TTLL5: variants seen among roughly 807,000 people sequenced by gnomAD.
TTLL5 encodes the protein tubulin tyrosine ligase like 5.
Under a neutral mutation model 168.4 loss-of-function variants are expected in TTLL5, and 132 were observed. The observed-to-expected ratio is 0.78, with a 90% confidence interval of 0.68 to 0.91. TTLL5 has a LOEUF of 0.91. TTLL5 is among the 40% of genes least tolerant of loss of function. TTLL5 has a pLI of 0.00. For missense variants in TTLL5, 1,545 were observed against 1,581.5 expected, an observed-to-expected ratio of 0.98 and a Z score of 0.39; for synonymous variants, 546 against 558.6, an observed-to-expected ratio of 0.98 and a Z score of 0.32.
intron 3 of TTLL5, among the ~76,000 whole-genome samples, chr14:75,674,693 G>A (rs528809320): frequency 2.6e-5 from 4 of 151,982 alleles, no homozygotes; most frequent in Non-Finnish European, 5.9e-5. Flanking sequence ...CTAGAATGAA[G>A]CATTTTTCTG....
chr14:75,756,576 C>T (rs911776088), intron 18 of TTLL5, among the ~76,000 whole-genome samples: 3 of 150,770 alleles, frequency 2.0e-5, no homozygotes, highest in South Asian at 2.1e-4. Context: ...GGCGCAATCT[C>T]GGCTCACTGC....
At chr14:75,904,434 T>G (rs1174054653) in intron 31 of TTLL5, among the ~76,000 whole-genome samples, 2 of 152,140 alleles carry the variant, frequency 1.3e-5, no homozygotes, top group Admixed American at 6.5e-5. Context: ...CTGACTATAC[T>G]TCATTTGCGT....
At chr14:75,870,211 A>G (rs2030909582) in intron 29 of TTLL5, among the ~76,000 whole-genome samples, 1 of 152,116 alleles carries the variant, frequency 6.6e-6, no homozygotes, top group African/African-American at 2.4e-5. Context: ...CACCATCTCA[A>G]AAGAAAAGTT....
intron 8 of TTLL5, among the ~76,000 whole-genome samples, chr14:75,707,416 A>T (rs1445379208): frequency 2.0e-5 from 3 of 152,072 alleles, no homozygotes; most frequent in Non-Finnish European, 2.9e-5. Flanking sequence ...GGTTTTTATT[A>T]TGTACTATAT....
Position 75,756,034 on chromosome 14 carries a change from C to T in TTLL5, c.1550+3079C>T, listed in dbSNP as rs932761132. ...AAGTATTGGTACTTACTAAAAGCTG[C>T]CCAGGTAATTATAATGTAAAGTCAT... On this transcript the variant is annotated intron_variant, in intron 18 of 31. Transcript: ENST00000298832. 5.0e-5 allele frequency among the ~76,000 whole-genome samples: 6 copies of T among 120,338 alleles called. No individual in the cohort carries two copies. The Admixed American group carries it at 6.9e-4, about 14-fold the overall frequency. The allele number at this position is 120,338 out of a possible 152,430, so 78.9% of individuals were successfully genotyped here. A position where few individuals can be genotyped will look rare whatever the true frequency, so the allele number is the denominator to read the frequency against.
chr14:75,713,118 C>T (rs1178099793), intron 9 of TTLL5, among the ~76,000 whole-genome samples: 1 of 152,168 alleles, frequency 6.6e-6, no homozygotes, highest in African/African-American at 2.4e-5. Context: ...TTTTGGTCTA[C>T]ATTAGGATAA....
At chr14:75,870,494 T>C (rs548765575) in intron 29 of TTLL5, among the ~76,000 whole-genome samples, 11 of 152,310 alleles carry the variant, frequency 7.2e-5, no homozygotes, top group Non-Finnish European at 1.0e-4. Context: ...TACCCTCCCT[T>C]GTACTTTTAT....
chr14:75,921,733 C>T (rs1344436129), intron 31 of TTLL5, among the ~76,000 whole-genome samples: 1 of 152,102 alleles, frequency 6.6e-6, no homozygotes, highest in African/African-American at 2.4e-5. Flanking sequence ...TCCATATGAA[C>T]TTTAAAGTAG....
At chr14:75,694,382 G>A (rs1885678521) in intron 6 of TTLL5, among the ~76,000 whole-genome samples, 1 of 152,172 alleles carries the variant, frequency 6.6e-6, no homozygotes, top group African/African-American at 2.4e-5. Context: ...TATCGCCCAG[G>A]CTGGAGTGCA....
chr14:75,811,037 T>G (rs1436498166), intron 27 of TTLL5, among the ~76,000 whole-genome samples: 1 of 144,874 alleles, frequency 6.9e-6, no homozygotes, highest in Non-Finnish European at 1.5e-5. Flanking sequence ...ATTTCCTTGA[T>G]AGCCTTGCAG....
At chr14:75,925,169 G>A (rs1205492538) in intron 31 of TTLL5, among the ~76,000 whole-genome samples, 27 of 148,272 alleles carry the variant, frequency 1.8e-4, no homozygotes, top group Non-Finnish European at 2.9e-4. Context: ...CGGACGGGGC[G>A]GCTGGCCTGG....
At chr14:75,851,869 A>G (rs1896873492) in intron 28 of TTLL5, among the ~76,000 whole-genome samples, 1 of 152,146 alleles carries the variant, frequency 6.6e-6, no homozygotes, top group South Asian at 2.1e-4. Context: ...TCTTTCTCAG[A>G]AGCAGTGCTT....
chr14:75,841,507 T>G (rs927384029), intron 28 of TTLL5, among the ~76,000 whole-genome samples: 3 of 152,222 alleles, frequency 2.0e-5, no homozygotes, highest in African/African-American at 7.2e-5. Context: ...TATTTATTCC[T>G]TTCTTTGTCA....
At chr14:75,726,943 A>G (rs527421662) in intron 12 of TTLL5, among the ~76,000 whole-genome samples, 2 of 152,338 alleles carry the variant, frequency 1.3e-5, no homozygotes, top group Admixed American at 1.3e-4. Context: ...GTACAATATT[A>G]CTAGCAATGA....
chr14:75,848,755 G>A (rs1896688491), intron 28 of TTLL5, among the ~76,000 whole-genome samples: 1 of 152,186 alleles, frequency 6.6e-6, no homozygotes, highest in African/African-American at 2.4e-5. Context: ...AAAGGACCAG[G>A]GAGTCTCTAT....
intron 17 of TTLL5, among the ~76,000 whole-genome samples, chr14:75,746,195 G>A (rs567052100): frequency 7.2e-5 from 11 of 152,154 alleles, no homozygotes; most frequent in African/African-American, 2.6e-4. Context: ...GGACTCTTTT[G>A]TTCAGCGTAG....
chr14:75,790,629 C>T (rs1892642481), intron 26 of TTLL5, among the ~76,000 whole-genome samples: 1 of 151,728 alleles, frequency 6.6e-6, no homozygotes, highest in Admixed American at 6.6e-5. Flanking sequence ...CATGTCCCCA[C>T]ACCCAGCTAA....
At chr14:75,853,011 C>T (rs1300415912) in intron 28 of TTLL5, among the ~76,000 whole-genome samples, 1 of 152,178 alleles carries the variant, frequency 6.6e-6, no homozygotes, top group Non-Finnish European at 1.5e-5. Context: ...TCATTGAACG[C>T]ATTTCATAAA....
At chr14:75,788,294 C>A (rs761429717) in intron 26 of TTLL5, among the ~76,000 whole-genome samples, 12 of 151,734 alleles carry the variant, frequency 7.9e-5, no homozygotes, top group Non-Finnish European at 1.6e-4. Flanking sequence ...TTATAGAATT[C>A]AAAAATAAGG....
Sources: allele counts gnomAD v4.1 joint callset (sites outside exome capture counted in the v4.1 genomes callset), GRCh38; gene constraint gnomAD v4.1.1; transcripts MANE v1.5; gene names NCBI Gene and HGNC (gene_info 2026-07-23, HGNC 2026-07-21).